The following LRCH2 variants were observed in gnomAD, a reference collection of about 807,000 sequenced individuals.
LRCH2 encodes leucine-rich repeat and calponin homology domain-containing protein 2.
Under a neutral mutation model 68.9 loss-of-function variants are expected in LRCH2, and 38 were observed. That is an observed-to-expected ratio of 0.55 (90% confidence interval 0.43 to 0.72). The LOEUF is 0.72. Ranked by LOEUF, LRCH2 falls within the 30% of genes least tolerant of loss-of-function variation. LRCH2 has a pLI of 0.00. For missense variants in LRCH2, 528 were observed against 572.9 expected, an observed-to-expected ratio of 0.92 and a Z score of 0.80; for synonymous variants, 191 against 208.1, an observed-to-expected ratio of 0.92 and a Z score of 0.71.
chrX:115,223,654 G>T (rs1414451884), intron 1 of LRCH2, among the ~76,000 whole-genome samples: 1 of 110,115 alleles, frequency 9.1e-6, no homozygotes, highest in South Asian at 3.9e-4. Flanking sequence ...GGTGGCTCAC[G>T]CTTGTAATCC....
chrX:115,196,446 G>A (rs1270829649), intron 1 of LRCH2, among the ~76,000 whole-genome samples: 2 of 111,027 alleles, frequency 1.8e-5, no homozygotes, highest in African/African-American at 6.6e-5. Context: ...CCATTGGGAG[G>A]TGTTGAGTAC....
At chrX:115,206,539 C>T (rs1556568239) in intron 1 of LRCH2, among the ~76,000 whole-genome samples, 1 of 112,559 alleles carries the variant, frequency 8.9e-6, no homozygotes, top group African/African-American at 3.2e-5. Context: ...TCGCAGGTAA[C>T]TAGCCAGACC....
rs376288724 is a variant in LRCH2, at chrX:115,212,841, A to G, written c.349+20852T>C. Among the ~76,000 whole-genome samples, 45 of 110,090 alleles carry G rather than the reference A, an allele frequency of 4.1e-4. No individual in the cohort carries two copies. In the South Asian group the frequency reaches 0.016, roughly 40 times the overall value. ...CAAAAAAATAGCCGAGTGTAGTGGC[A>G]TGGACCTATAGTCCCAGCTACTTCG... On this transcript the variant is annotated intron_variant, in intron 1 of 20. Transcript: ENST00000317135.
chrX:115,190,909 G>T, intron 1 of LRCH2: 1 of 1,165,448 alleles, frequency 8.6e-7, no homozygotes, highest in Non-Finnish European at 1.1e-6. Context: ...CTCGCCCGAG[G>T]CCTACAGTGG....
intron 1 of LRCH2, among the ~76,000 whole-genome samples, chrX:115,205,498 A>G (rs2072959602): frequency 1.8e-5 from 2 of 112,438 alleles, no homozygotes; most frequent in African/African-American, 6.5e-5. Flanking sequence ...TGTACCATAT[A>G]TTGGTTCATT....
rs183428474 is a variant in LRCH2 at position 115,110,733 on chromosome X, C to A, written c.*2483G>T. On this transcript the variant is annotated 3_prime_UTR_variant, in exon 21 of 21. Coordinates refer to ENST00000317135, the MANE Select transcript of LRCH2 (RefSeq NM_020871.4). ...AGATCTGTGACCAATACAAACATTT[C>A]TGATTTATTCAAAAAATTCAGTTAA... The A allele has an allele frequency of 8.9e-6, 1 of 112,054 alleles. No homozygotes were observed. Among genetic ancestry groups the A allele is most frequent in the African/African-American group, 3.2e-5 (1 of 30,862 alleles). The allele number at this position is 112,054 out of a possible 1,213,427, so 9.2% of individuals were successfully genotyped here.
At chrX:115,226,869 G>GCCAATCCT (rs1239395675) in intron 1 of LRCH2, among the ~76,000 whole-genome samples, 4 of 110,977 alleles carry the variant, frequency 3.6e-5, no homozygotes, top group Non-Finnish European at 5.7e-5. Context: ...CTCTCTAAAG[G>GCCAATCCT]CCAATCCTCC....
At chrX:115,166,909 T>C (rs192182943) in intron 6 of LRCH2, among the ~76,000 whole-genome samples, 3 of 110,129 alleles carry the variant, frequency 2.7e-5, no homozygotes, top group Admixed American at 2.0e-4. Context: ...TAATTTGCAA[T>C]TTTACCACAC....
chrX:115,150,276 G>A (rs1216439513), intron 12 of LRCH2, among the ~76,000 whole-genome samples: 1 of 110,266 alleles, frequency 9.1e-6, no homozygotes, highest in African/African-American at 3.3e-5. Context: ...TATCAAAATG[G>A]GTTTATTCTA....
intron 20 of LRCH2, among the ~76,000 whole-genome samples, chrX:115,119,459 C>T (rs1361525735): frequency 1.3e-5 from 1 of 78,091 alleles, no homozygotes; most frequent in East Asian, 3.7e-4. Context: ...ATCCAACTTA[C>T]AAGGGATGTG....
chrX:115,189,726 C>G, intron 1 of LRCH2: 2 of 1,166,667 alleles, frequency 1.7e-6, no homozygotes, highest in African/African-American at 1.8e-5. Flanking sequence ...GCCGATGGGT[C>G]CCGCCAACCC....
intron 11 of LRCH2, among the ~76,000 whole-genome samples, chrX:115,161,758 AAT>A (rs1373871271): frequency 9.0e-6 from 1 of 111,277 alleles, no homozygotes; most frequent in East Asian, 2.8e-4. Flanking sequence ...CTATTCAGTC[AAT>A]GTTGTACCTA....
chrX:115,194,164 T>G (rs189928539), intron 1 of LRCH2, among the ~76,000 whole-genome samples: 2 of 111,323 alleles, frequency 1.8e-5, no homozygotes, highest in East Asian at 2.8e-4. Context: ...AGGAGAGAGA[T>G]ATATATTCTC....
At chrX:115,143,218 A>C (rs2147365547) in intron 14 of LRCH2, among the ~76,000 whole-genome samples, 1 of 112,354 alleles carries the variant, frequency 8.9e-6, no homozygotes, top group Admixed American at 9.4e-5. Flanking sequence ...CTGAGAAGAT[A>C]AACAAAATTG....
At chrX:115,176,023 A>T (rs2072644091) in intron 5 of LRCH2, among the ~76,000 whole-genome samples, 3 of 111,835 alleles carry the variant, frequency 2.7e-5, no homozygotes, top group Admixed American at 9.5e-5. Flanking sequence ...GTCAGAATTG[A>T]ATTGAATTAT....
At chrX:115,190,778 G>A in intron 1 of LRCH2, 1 of 1,166,330 alleles carries the variant, frequency 8.6e-7, no homozygotes, top group Non-Finnish European at 1.1e-6. Context: ...CACAGCAGGG[G>A]CCGGTCCGAC....
At chrX:115,194,767 G>T (rs782791101) in intron 1 of LRCH2, among the ~76,000 whole-genome samples, 1 of 112,029 alleles carries the variant, frequency 8.9e-6, no homozygotes, top group African/African-American at 3.2e-5. Flanking sequence ...GGCCTGGACA[G>T]CTAAAATAAT....
chrX:115,226,861 C>T (rs1355675996), intron 1 of LRCH2, among the ~76,000 whole-genome samples: 1 of 111,289 alleles, frequency 9.0e-6, no homozygotes, highest in Non-Finnish European at 1.9e-5. Context: ...GATGCCTCCT[C>T]TCTAAAGGCC....
At chrX:115,217,693 G>A (rs1176955576) in intron 1 of LRCH2, among the ~76,000 whole-genome samples, 7 of 111,910 alleles carry the variant, frequency 6.3e-5, no homozygotes, top group Non-Finnish European at 1.3e-4. Flanking sequence ...AAACGTACGT[G>A]TGCATGTCTC....
Sources: gnomAD v4.1 joint callset for allele counts (sites outside exome capture counted in the v4.1 genomes callset) on GRCh38, gnomAD v4.1.1 for gene constraint, MANE v1.5 for transcripts, NCBI Gene and HGNC (gene_info 2026-07-23, HGNC 2026-07-21) for gene names.